SYT14: variants seen among roughly 807,000 people sequenced by gnomAD.
SYT14 encodes synaptotagmin-14.
Under a neutral mutation model 74.2 loss-of-function variants are expected in SYT14, and 32 were observed. The observed-to-expected ratio is 0.43, with a 90% CI of 0.33 to 0.58. The LOEUF is 0.58. Ranked by LOEUF, SYT14 falls within the 20% of genes least tolerant of loss-of-function variation. SYT14 has a pLI of 0.05. For missense variants in SYT14, 791 were observed against 981.8 expected (o/e 0.81, Z 2.60); for synonymous variants, 298 against 337.7 (o/e 0.88, Z 1.29).
intron 2 of SYT14, among the ~76,000 whole-genome samples, chr1:209,971,329 A>AAAGT (rs1294625362): frequency 6.6e-6 from 1 of 152,158 alleles, no homozygotes; most frequent in Non-Finnish European, 1.5e-5. Flanking sequence ...TCATCATTAA[A>AAAGT]AAGTGACAGT....
chr1:210,013,554 CTT>C (rs2080125910), intron 2 of SYT14, 77 bp from the exon 3 acceptor site: 2 of 1,349,366 alleles, frequency 1.5e-6, no homozygotes, highest in Non-Finnish European at 2.1e-6. Flanking sequence ...AGTAAGCTAA[CTT>C]AATGTTTGGG....
intron 7 of SYT14, among the ~76,000 whole-genome samples, chr1:210,109,784 T>C (rs988143232): frequency 6.6e-6 from 1 of 152,070 alleles, no homozygotes; most frequent in South Asian, 2.1e-4. Flanking sequence ...ACCCAAAGGA[T>C]TGTAAATCAT....
chr1:209,979,008 C>T (rs777374641), intron 2 of SYT14, among the ~76,000 whole-genome samples: 8 of 152,188 alleles, frequency 5.3e-5, no homozygotes, highest in African/African-American at 1.4e-4. Context: ...CCGAGCCAGG[C>T]GCGGGATATA....
chr1:210,060,870 G>A (rs1294511885), intron 5 of SYT14, among the ~76,000 whole-genome samples: 1 of 151,928 alleles, frequency 6.6e-6, no homozygotes, highest in Non-Finnish European at 1.5e-5. Context: ...AGAATACTTG[G>A]TGAATAGATT....
chr1:209,985,053 T>G (rs992398635), intron 2 of SYT14, among the ~76,000 whole-genome samples: 2 of 152,196 alleles, frequency 1.3e-5, no homozygotes, highest in Non-Finnish European at 2.9e-5. Flanking sequence ...AGCTATATCA[T>G]TCCACCCCTG....
At chr1:209,968,984 G>A (rs2079201489) in intron 2 of SYT14, among the ~76,000 whole-genome samples, 1 of 152,022 alleles carries the variant, frequency 6.6e-6, no homozygotes, top group African/African-American at 2.4e-5. Flanking sequence ...ACTTATAAGT[G>A]AGAATATGTG....
At chr1:209,991,917 G>T (rs1158894554) in intron 2 of SYT14, among the ~76,000 whole-genome samples, 1 of 151,976 alleles carries the variant, frequency 6.6e-6, no homozygotes, top group East Asian at 1.9e-4. Flanking sequence ...ATGTAAATTT[G>T]TTAAGCCACT....
At chr1:210,089,271 G>A (rs1453046978) in intron 5 of SYT14, among the ~76,000 whole-genome samples, 1 of 152,142 alleles carries the variant, frequency 6.6e-6, no homozygotes, top group African/African-American at 2.4e-5. Flanking sequence ...TCTTTATCCA[G>A]TCTATCATTG....
exon 4 of SYT14, chr1:210,016,987 A>ATAC (rs1404717680): frequency 3.2e-6 from 4 of 1,231,754 alleles, no homozygotes; most frequent in Non-Finnish European, 4.0e-6. Flanking sequence ...ATTCAACGAA[A>ATAC]TACTGTAAAG....
intron 8 of SYT14, among the ~76,000 whole-genome samples, chr1:210,158,304 G>A (rs2083307726): frequency 6.6e-6 from 1 of 152,110 alleles, no homozygotes; most frequent in Admixed American, 6.6e-5. Flanking sequence ...AGATGGTGAG[G>A]CCTGTGACAA....
At chr1:210,160,415 T>G in intron 9 of SYT14, among the ~76,000 whole-genome samples, 1 of 146,062 alleles carries the variant, frequency 6.8e-6, no homozygotes, top group Non-Finnish European at 1.5e-5. Flanking sequence ...CAGGGGAGGG[T>G]AGTGGGAGGT....
At chr1:210,038,616 T>A (rs1377941023) in intron 5 of SYT14, among the ~76,000 whole-genome samples, 1 of 152,138 alleles carries the variant, frequency 6.6e-6, no homozygotes, top group Non-Finnish European at 1.5e-5. Context: ...ACTGGTTTAG[T>A]GGTGATGAAT....
At chr1:209,946,864 AGGGGC>A (rs1374694369) in intron 1 of SYT14, among the ~76,000 whole-genome samples, 1 of 152,186 alleles carries the variant, frequency 6.6e-6, no homozygotes, top group African/African-American at 2.4e-5. Context: ...CTCTCTTGTT[AGGGGC>A]TGATGCATCT....
At chr1:210,036,398 A>G (rs1012796522) in intron 5 of SYT14, among the ~76,000 whole-genome samples, 3 of 151,754 alleles carry the variant, frequency 2.0e-5, no homozygotes, top group Non-Finnish European at 2.9e-5. Context: ...TTGACTTACT[A>G]TTTTCCAGTT....
intron 2 of SYT14, among the ~76,000 whole-genome samples, chr1:209,972,542 T>G (rs562024237): frequency 6.6e-6 from 1 of 152,154 alleles, no homozygotes; most frequent in Non-Finnish European, 1.5e-5. Flanking sequence ...TTTTGTATGT[T>G]GTGTCTCTGT....
chr1:210,028,924 A>G (rs1022601998), intron 5 of SYT14, among the ~76,000 whole-genome samples: 3 of 152,230 alleles, frequency 2.0e-5, no homozygotes, highest in South Asian at 2.1e-4. Flanking sequence ...CTGCCTCCTA[A>G]CCAACACTTA....
At chr1:210,087,461 C>T (rs928555975) in intron 5 of SYT14, among the ~76,000 whole-genome samples, 8 of 152,138 alleles carry the variant, frequency 5.3e-5, no homozygotes, top group African/African-American at 9.7e-5. Context: ...TTCCTCAATG[C>T]GAACACACTC....
chr1:210,123,075 TAAAC>T (rs1055060978), intron 7 of SYT14, among the ~76,000 whole-genome samples: 1 of 152,226 alleles, frequency 6.6e-6, no homozygotes, highest in African/African-American at 2.4e-5. Flanking sequence ...TAGTATGTGT[TAAAC>T]AAGTTGGCCT....
At chr1:209,993,172 C>G (rs1052389243) in intron 2 of SYT14, among the ~76,000 whole-genome samples, 1 of 152,194 alleles carries the variant, frequency 6.6e-6, no homozygotes, top group African/African-American at 2.4e-5. Flanking sequence ...GGTTCCCCAT[C>G]CCCCTTCAGG....
Sources: gnomAD v4.1 joint callset for allele counts (sites outside exome capture counted in the v4.1 genomes callset) on GRCh38, gnomAD v4.1.1 for gene constraint, MANE v1.5 for transcripts, NCBI Gene and HGNC (gene_info 2026-07-23, HGNC 2026-07-21) for gene names.